MAST4: variants seen among roughly 807,000 people sequenced by gnomAD.
The protein encoded by MAST4 is microtubule-associated serine/threonine-protein kinase 4.
MAST4 carries 89 observed loss-of-function variants against 162.7 expected under a neutral mutation model. That is an observed-to-expected ratio of 0.55 (90% CI 0.46 to 0.65). MAST4 has a LOEUF of 0.65. Ranked by LOEUF, MAST4 falls within the 30% of genes least tolerant of loss-of-function variation. The pLI is 0.00. For missense variants in MAST4, 3,153 were observed against 3,374.0 expected, an observed-to-expected ratio of 0.93 and a Z score of 1.62; for synonymous variants, 1,479 against 1,361.1, an observed-to-expected ratio of 1.09 and a Z score of -1.91.
chr5:66,643,078 C>G (rs1561232849), intron 1 of MAST4, among the ~76,000 whole-genome samples: 1 of 152,140 alleles, frequency 6.6e-6, no homozygotes, highest in Non-Finnish European at 1.5e-5. Flanking sequence ...ATATGGCTGA[C>G]ACGCTCAGAT....
intron 4 of MAST4, among the ~76,000 whole-genome samples, chr5:67,049,009 A>ATATATATATACG (rs1561576053): frequency 1.0e-4 from 13 of 125,426 alleles, no homozygotes; most frequent in South Asian, 2.5e-4. Flanking sequence ...ATACACACAC[A>ATATATATATACG]TATATATATA....
intron 4 of MAST4, among the ~76,000 whole-genome samples, chr5:67,044,842 T>C (rs1303535209): frequency 6.6e-6 from 1 of 152,188 alleles, no homozygotes; most frequent in Non-Finnish European, 1.5e-5. Flanking sequence ...ACTTCGATCA[T>C]TGTGTCTTGC....
chr5:66,965,042 A>C (rs1005666353), intron 4 of MAST4, among the ~76,000 whole-genome samples: 2 of 152,176 alleles, frequency 1.3e-5, no homozygotes, highest in Admixed American at 1.3e-4. Context: ...ATCTGCAAAG[A>C]ATAATCGACT....
intron 14 of MAST4, among the ~76,000 whole-genome samples, chr5:67,126,375 T>G (rs535076884): frequency 2.0e-5 from 3 of 152,352 alleles, no homozygotes; most frequent in Non-Finnish European, 2.9e-5. Context: ...TTTATGGTTT[T>G]AGGTCTTACA....
chr5:67,020,270 C>T (rs1022764538), intron 4 of MAST4, among the ~76,000 whole-genome samples: 4 of 152,158 alleles, frequency 2.6e-5, no homozygotes, highest in African/African-American at 9.7e-5. Flanking sequence ...ACTAGCTGGT[C>T]ATGGAATGAA....
intron 3 of MAST4, chr5:66,870,662 A>G (rs1760863146): frequency 2.6e-6 from 1 of 383,096 alleles, no homozygotes; most frequent in Admixed American, 3.2e-5. Context: ...CTAAAACAAA[A>G]TACAGTGCCG....
intron 4 of MAST4, among the ~76,000 whole-genome samples, chr5:67,043,514 G>C (rs1245220086): frequency 1.3e-5 from 2 of 152,122 alleles, no homozygotes; most frequent in African/African-American, 2.4e-5. Context: ...ACTCTGGCTT[G>C]GGACTGCCAC....
chr5:66,969,193 C>T (rs73768763), intron 4 of MAST4, among the ~76,000 whole-genome samples: 75 of 152,254 alleles, frequency 4.9e-4, no homozygotes, highest in African/African-American at 1.6e-3. Flanking sequence ...TGGGTCCCTG[C>T]GGCACCTTTT....
intron 2 of MAST4, among the ~76,000 whole-genome samples, chr5:66,763,305 G>A (rs1481800090): frequency 6.6e-6 from 1 of 152,114 alleles, no homozygotes; most frequent in Non-Finnish European, 1.5e-5. Context: ...TTTGTGGTTG[G>A]CTCAATCTGT....
rs78700332 is a variant in MAST4, at chr5:66,968,459, A to G, written c.674+68477A>G. On this transcript the variant is annotated intron_variant, in intron 4 of 28. Coordinates refer to ENST00000403625, the MANE Select transcript of MAST4 (RefSeq NM_001164664.2). The stretch of plus-strand genomic sequence containing the variant: ...ACACATGCCATGTTGCTGGTAGGAT[A>G]TAGTACTACTTCCAGAGAAGAATAT... 3.9e-3 allele frequency among the ~76,000 whole-genome samples: 597 copies of G among 152,292 alleles called. 5 individuals are homozygous for G. Among genetic ancestry groups the G allele is most frequent in the African/African-American group, 0.014 (565 of 41,554 alleles).
At position 66,646,639 on chromosome 5, in the gene MAST4, A is replaced by G. The variant is rs75757762; in HGVS notation, c.363+49621A>G. On this transcript the variant is annotated intron_variant, in intron 1 of 28. Transcript: ENST00000403625. Reference sequence around the variant, plus strand: ...TTTTAATTCTGTTTTAACACCATGTATAAGAAAATCATTGTACCCTCTACT... The same window carrying G: ...TTTTAATTCTGTTTTAACACCATGTGTAAGAAAATCATTGTACCCTCTACT... Among the ~76,000 whole-genome samples the G allele has an allele frequency of 1.7e-3, 256 of 152,338 alleles. 5 individuals carry two copies. The East Asian group carries it at 0.031, about 18-fold the overall frequency.
Position 66,814,245 on chromosome 5 carries a change from G to A in MAST4, c.642+25451G>A, listed in dbSNP as rs58721589. On this transcript the variant is annotated intron_variant, in intron 3 of 28. Coordinates refer to ENST00000403625, the MANE Select transcript of MAST4 (RefSeq NM_001164664.2). The stretch of plus-strand genomic sequence containing the variant: ...GATCAACATGTACTTCAAACATTTG[G>A]AAAAATAAAGAATTGCTCACTGTGC... Among the ~76,000 whole-genome samples, 913 of 152,280 alleles carry A rather than the reference G, an allele frequency of 6.0e-3. 9 individuals carry two copies. Among genetic ancestry groups the A allele is most frequent in the African/African-American group, 0.021 (874 of 41,544 alleles).
intron 5 of MAST4, among the ~76,000 whole-genome samples, chr5:67,085,389 A>C (rs1369223865): frequency 3.9e-5 from 6 of 152,176 alleles, no homozygotes; most frequent in Non-Finnish European, 5.9e-5. Context: ...CCCACTGGCC[A>C]CAGAACAGCT....
At chr5:66,812,983 A>G (rs1209783560) in intron 3 of MAST4, among the ~76,000 whole-genome samples, 1 of 152,178 alleles carries the variant, frequency 6.6e-6, no homozygotes, top group Non-Finnish European at 1.5e-5. Context: ...GGAGCATTTG[A>G]AACACATGGT....
intron 1 of MAST4, among the ~76,000 whole-genome samples, chr5:66,624,654 G>A (rs992557850): frequency 2.0e-5 from 3 of 152,110 alleles, no homozygotes; most frequent in African/African-American, 7.2e-5. Flanking sequence ...ATATTACAAC[G>A]CTATAGTAAT....
At chr5:67,095,483 A>T in intron 6 of MAST4, 114 bp from the exon 7 acceptor site, 1 of 712,538 alleles carries the variant, frequency 1.4e-6, no homozygotes, top group South Asian at 2.6e-5. Flanking sequence ...ACATTTCCAC[A>T]TCCTCACAGA....
At chr5:66,723,713 A>G (rs1751353214) in intron 1 of MAST4, among the ~76,000 whole-genome samples, 1 of 152,154 alleles carries the variant, frequency 6.6e-6, no homozygotes, top group South Asian at 2.1e-4. Flanking sequence ...TCAAGGAATG[A>G]TCTTAAGTAG....
In MAST4 at chr5:67,165,001, T is replaced by C; in HGVS notation, c.5822T>C (p.Leu1941Pro). ...ACTGACCCCAAGCTTCTGACCTGCC[T>C]GGGGCAGAACCTCCACAGCCCTGAC... ...HTTDPKLLTC[L>P]GQNLHSPDLA... The change falls in exon 29 of 29, where the codon CTG becomes CCG. Residue 1941 changes from leucine to proline, a missense_variant. Physicochemically the swap from Leu to Pro is moderately conservative, Grantham distance 98. Coordinates refer to ENST00000403625, the MANE Select transcript of MAST4 (RefSeq NM_001164664.2). The C allele has an allele frequency of 6.2e-7, 1 of 1,613,588 alleles. No homozygotes were observed. Among genetic ancestry groups the C allele is most frequent in the Non-Finnish European group, 8.5e-7 (1 of 1,179,750 alleles).
At chr5:66,727,408 G>A (rs182839729) in intron 1 of MAST4, among the ~76,000 whole-genome samples, 1 of 152,288 alleles carries the variant, frequency 6.6e-6, no homozygotes, top group African/African-American at 2.4e-5. Context: ...AAAGTCACCT[G>A]CACAGGCTTC....
Sources: allele counts gnomAD v4.1 joint callset (sites outside exome capture counted in the v4.1 genomes callset), GRCh38; gene constraint gnomAD v4.1.1; transcripts MANE v1.5; gene names NCBI Gene and HGNC (gene_info 2026-07-23, HGNC 2026-07-21).